The following APOO variants were observed in gnomAD, a reference collection of about 807,000 sequenced individuals.
The protein encoded by APOO is apolipoprotein O.
A neutral mutation model predicts 23.1 loss-of-function variants in APOO; 11 were observed. That is an observed-to-expected ratio of 0.48 (90% CI 0.30 to 0.79). APOO has a LOEUF of 0.79. Ranked by LOEUF, APOO falls within the 30% of genes least tolerant of loss-of-function variation. The pLI is 0.07. For synonymous variants in APOO, 59 were observed against 54.8 expected (o/e 1.08, Z -0.34); for missense variants, 160 against 142.7 (o/e 1.12, Z -0.62).
At chrX:23,906,923 G>C (rs1294861658) in intron 1 of APOO, among the ~76,000 whole-genome samples, 1 of 112,160 alleles carries the variant, frequency 8.9e-6, no homozygotes, top group Non-Finnish European at 1.9e-5. Context: ...TAAATGAATA[G>C]TACAATTCTG....
intron 6 of APOO, among the ~76,000 whole-genome samples, chrX:23,858,280 G>A (rs1350845767): frequency 9.0e-6 from 1 of 111,438 alleles, no homozygotes; most frequent in African/African-American, 3.3e-5. Flanking sequence ...CAATACCAAC[G>A]AGAGCAGGTT....
At chrX:23,870,856 C>T (rs1224651344) in intron 4 of APOO, among the ~76,000 whole-genome samples, 3 of 110,516 alleles carry the variant, frequency 2.7e-5, no homozygotes, top group East Asian at 2.8e-4. Context: ...TTTGGGAGGC[C>T]GATGCAGGCA....
At chrX:23,895,417 A>C (rs1487012730) in intron 1 of APOO, among the ~76,000 whole-genome samples, 2 of 111,427 alleles carry the variant, frequency 1.8e-5, no homozygotes, top group African/African-American at 6.5e-5. Flanking sequence ...ACCAAACATC[A>C]CATGTTCTCA....
chrX:23,884,333 A>C (rs759028209), intron 1 of APOO, among the ~76,000 whole-genome samples: 32 of 111,115 alleles, frequency 2.9e-4, no homozygotes, highest in African/African-American at 9.8e-4. Flanking sequence ...ACAGGAGAGG[A>C]GAAAGAGGAG....
At chrX:23,865,684 C>A (rs1293017937) in intron 5 of APOO, among the ~76,000 whole-genome samples, 1 of 109,881 alleles carries the variant, frequency 9.1e-6, no homozygotes, top group East Asian at 2.9e-4. Context: ...GGCCCATTCA[C>A]CTGGAGGGGC....
chrX:23,838,530 C>T (rs150344369), intron 8 of APOO, among the ~76,000 whole-genome samples: 1,535 of 107,269 alleles, frequency 0.014, 44 homozygotes, highest in African/African-American at 0.049. Flanking sequence ...GATTCTCCTG[C>T]CTCAGCCTCC....
chrX:23,874,477 C>G lies in APOO; in HGVS notation c.238-20G>C, dbSNP rs777587929. ...CGTTTCCTAAAAAGGTAAAAAGAAA[C>G]TGAATGAAACTATTCACAGGATCTG... On this transcript the variant is annotated intron_variant, in intron 3 of 8. Transcript: ENST00000379226. The G allele has an allele frequency of 1.7e-6, 2 of 1,153,908 alleles. No homozygotes were observed. The highest frequency in any genetic ancestry group is 3.6e-5 in the South Asian group (2 of 55,379).
intron 1 of APOO, among the ~76,000 whole-genome samples, chrX:23,893,460 A>T (rs1006464740): frequency 9.0e-6 from 1 of 111,097 alleles, no homozygotes; most frequent in African/African-American, 3.3e-5. Context: ...AATAAAAATC[A>T]AGAGAAATGA....
chrX:23,884,426 TTTAA>T (rs1336150273), intron 1 of APOO, among the ~76,000 whole-genome samples: 2 of 111,798 alleles, frequency 1.8e-5, no homozygotes, highest in African/African-American at 3.3e-5. Context: ...ATGACCTTGG[TTTAA>T]TTTTTATTTT....
chrX:23,887,229 CTT>C (rs765596270), intron 1 of APOO, among the ~76,000 whole-genome samples: 3 of 54,205 alleles, frequency 5.5e-5, no homozygotes, highest in Non-Finnish European at 9.5e-5. Context: ...TTCTTTTTCC[CTT>C]TTTTTTTTTT....
intron 5 of APOO, among the ~76,000 whole-genome samples, chrX:23,867,974 C>T (rs1230072759): frequency 1.8e-5 from 2 of 112,335 alleles, no homozygotes; most frequent in African/African-American, 6.5e-5. Flanking sequence ...AAACTTTCTT[C>T]ATTAGGAATG....
chrX:23,842,300 G>A (rs748062434), intron 7 of APOO, among the ~76,000 whole-genome samples: 1 of 111,280 alleles, frequency 9.0e-6, no homozygotes, highest in African/African-American at 3.3e-5. Flanking sequence ...GAGGTGGGAG[G>A]ATCACTTAAG....
intron 3 of APOO, among the ~76,000 whole-genome samples, chrX:23,875,123 G>A (rs1380481503): frequency 1.8e-5 from 2 of 109,255 alleles, no homozygotes; most frequent in East Asian, 2.9e-4. Flanking sequence ...GGTGGCACGC[G>A]CCTGTAGTCC....
intron 1 of APOO, among the ~76,000 whole-genome samples, chrX:23,905,615 C>T (rs1247941396): frequency 9.0e-6 from 1 of 110,980 alleles, no homozygotes; most frequent in Non-Finnish European, 1.9e-5. Context: ...ACCTTTTTTT[C>T]TGCCGTGGAC....
chrX:23,851,233 G>A (rs974491216), intron 7 of APOO, among the ~76,000 whole-genome samples: 2 of 109,215 alleles, frequency 1.8e-5, no homozygotes, highest in Non-Finnish European at 3.8e-5. Context: ...TTGTTCTGTC[G>A]CGCAGGCTGG....
intron 5 of APOO, among the ~76,000 whole-genome samples, chrX:23,859,213 T>C (rs761413684): frequency 1.2e-3 from 134 of 111,748 alleles, no homozygotes; most frequent in African/African-American, 4.0e-3. Context: ...CCAAAACGCT[T>C]TTGCACTGCT....
chrX:23,895,968 G>A (rs1053444094), intron 1 of APOO, among the ~76,000 whole-genome samples: 9 of 110,349 alleles, frequency 8.2e-5, no homozygotes, highest in Admixed American at 5.8e-4. Context: ...TGTCCAGAAC[G>A]GAGTCTAAAA....
intron 6 of APOO, 105 bp from the exon 7 acceptor site, chrX:23,856,487 T>C: frequency 1.7e-6 from 1 of 597,887 alleles, no homozygotes; most frequent in Non-Finnish European, 2.7e-6. Flanking sequence ...TATGCATGCA[T>C]ATGTTCATCA....
At chrX:23,854,178 C>T (rs944120887) in intron 7 of APOO, among the ~76,000 whole-genome samples, 1 of 112,520 alleles carries the variant, frequency 8.9e-6, no homozygotes, top group Non-Finnish European at 1.9e-5. Context: ...AAAATGTTGG[C>T]CTGCTTAACT....
Sources: allele counts gnomAD v4.1 joint callset (sites outside exome capture counted in the v4.1 genomes callset), GRCh38; gene constraint gnomAD v4.1.1; transcripts MANE v1.5; gene names NCBI Gene and HGNC (gene_info 2026-07-23, HGNC 2026-07-21).